RELN: variants seen among roughly 807,000 people sequenced by gnomAD.
The protein encoded by RELN is reelin.
A neutral mutation model predicts 427.6 loss-of-function variants in RELN; 108 were observed. That is an observed-to-expected ratio of 0.25 (90% CI 0.22 to 0.30). The LOEUF is 0.30. Ranked by LOEUF, RELN falls within the 10% of genes least tolerant of loss-of-function variation. RELN has a pLI of 1.00. For synonymous variants in RELN, 1,524 were observed against 1,513.4 expected (o/e 1.01, Z -0.16); for missense variants, 3,715 against 4,302.8 (o/e 0.86, Z 3.82).
chr7:103,786,679 C>T (rs1475451748), intron 3 of RELN, among the ~76,000 whole-genome samples: 2 of 152,238 alleles, frequency 1.3e-5, no homozygotes, highest in Admixed American at 6.5e-5. Context: ...GCATCCAATA[C>T]AGGAGCATCC....
chr7:103,660,568 A>G (rs567499469), intron 12 of RELN, among the ~76,000 whole-genome samples: 2 of 152,340 alleles, frequency 1.3e-5, no homozygotes, highest in African/African-American at 4.8e-5. Flanking sequence ...TAAATCGTCA[A>G]TGCTGAAGTT....
intron 2 of RELN, among the ~76,000 whole-genome samples, chr7:103,835,593 T>C (rs2116414813): frequency 6.6e-6 from 1 of 152,330 alleles, no homozygotes; most frequent in African/African-American, 2.4e-5. Flanking sequence ...AATTTTGCTG[T>C]GAACCTAAAG....
intron 41 of RELN, among the ~76,000 whole-genome samples, chr7:103,549,400 A>G (rs137921952): frequency 6.6e-6 from 1 of 152,212 alleles, no homozygotes; most frequent in Non-Finnish European, 1.5e-5. Context: ...ACTTTCATGA[A>G]CTAATTGCCC....
intron 2 of RELN, among the ~76,000 whole-genome samples, chr7:103,908,667 ATTCTT>A (rs969667173): frequency 6.6e-6 from 1 of 152,220 alleles, no homozygotes; most frequent in African/African-American, 2.4e-5. Flanking sequence ...TTAGTAAGCG[ATTCTT>A]TTCAAGTTAG....
intron 2 of RELN, among the ~76,000 whole-genome samples, chr7:103,850,185 A>G (rs2116460718): frequency 6.6e-6 from 1 of 152,318 alleles, no homozygotes; most frequent in African/African-American, 2.4e-5. Flanking sequence ...AAAAGACATT[A>G]CAATTTATAT....
intron 6 of RELN, among the ~76,000 whole-genome samples, chr7:103,730,658 T>C (rs748661858): frequency 4.6e-5 from 7 of 152,152 alleles, no homozygotes; most frequent in Admixed American, 1.3e-4. Context: ...AAAAGATTTA[T>C]AATTATCAGA....
chr7:103,688,142 A>G lies in RELN; in HGVS notation c.1144-5881T>C, dbSNP rs530711135. The stretch of plus-strand genomic sequence containing the variant: ...CCAAGCAAAGGGAATTTAGGTAGAC[A>G]GCATGCAATTAACCATGCTGGAATC... On this transcript the variant is annotated intron_variant, in intron 10 of 64. Coordinates refer to ENST00000428762, the MANE Select transcript of RELN (RefSeq NM_005045.4). Among the ~76,000 whole-genome samples, 3 of 152,262 alleles carry G rather than the reference A, an allele frequency of 2.0e-5. No individual in the cohort carries two copies. The East Asian group carries it at 5.8e-4, about 29-fold the overall frequency.
chr7:103,540,119 G>T, intron 44 of RELN, 78 bp downstream of exon 44: 1 of 1,532,332 alleles, frequency 6.5e-7, no homozygotes, highest in Non-Finnish European at 9.0e-7. Flanking sequence ...TGAGCAAGCA[G>T]GTTGAACTAA....
intron 3 of RELN, among the ~76,000 whole-genome samples, chr7:103,830,805 G>A (rs1793256073): frequency 6.6e-6 from 1 of 152,008 alleles, no homozygotes; most frequent in Admixed American, 6.6e-5. Context: ...CACAAAGGAA[G>A]CAGCTACTCT....
chr7:103,791,882 A>G (rs1792170653), intron 3 of RELN, among the ~76,000 whole-genome samples: 3 of 152,174 alleles, frequency 2.0e-5, no homozygotes, highest in Admixed American at 2.0e-4. Context: ...ACAACTCAAT[A>G]AAAAATAAGT....
chr7:103,661,305 T>C, intron 12 of RELN, 71 bp downstream of exon 12: 2 of 1,478,030 alleles, frequency 1.4e-6, no homozygotes, highest in Admixed American at 1.7e-5. Flanking sequence ...CAAACAATCT[T>C]ACTTCCTCAG....
chr7:103,676,418 A>G (rs1833525629), intron 11 of RELN, among the ~76,000 whole-genome samples: 1 of 152,224 alleles, frequency 6.6e-6, no homozygotes, highest in Non-Finnish European at 1.5e-5. Flanking sequence ...GTGGAGAAAT[A>G]GGAACACTTT....
intron 51 of RELN, among the ~76,000 whole-genome samples, chr7:103,508,510 A>G (rs2117054947): frequency 6.6e-6 from 1 of 152,374 alleles, no homozygotes; most frequent in Admixed American, 6.5e-5. Context: ...CAAAATAATA[A>G]GAGCTATTTA....
chr7:103,775,476 TC>T (rs1356552853), intron 4 of RELN, among the ~76,000 whole-genome samples: 2 of 152,192 alleles, frequency 1.3e-5, no homozygotes, highest in Admixed American at 6.5e-5. Flanking sequence ...AATGGTATTT[TC>T]TTAGGTATCT....
chr7:103,489,628 C>G, intron 60 of RELN, 114 bp downstream of exon 60: 2 of 1,223,028 alleles, frequency 1.6e-6, no homozygotes, highest in Non-Finnish European at 2.3e-6. Flanking sequence ...TCATGAATCT[C>G]AGATCCCTCA....
At chr7:103,745,288 G>C (rs1189993902) in intron 6 of RELN, among the ~76,000 whole-genome samples, 1 of 151,956 alleles carries the variant, frequency 6.6e-6, no homozygotes, top group East Asian at 1.9e-4. Context: ...AGCTATCTAT[G>C]ACAAACCCAC....
chr7:103,916,642 A>G (rs1795487706), intron 2 of RELN, among the ~76,000 whole-genome samples: 1 of 152,176 alleles, frequency 6.6e-6, no homozygotes, highest in African/African-American at 2.4e-5. Flanking sequence ...ATTTTATCAA[A>G]TATTGCTATC....
At chr7:103,599,106 C>T (rs1421801494) in intron 24 of RELN, among the ~76,000 whole-genome samples, 3 of 152,256 alleles carry the variant, frequency 2.0e-5, no homozygotes, top group South Asian at 2.1e-4. Flanking sequence ...TATAACAAAA[C>T]CTCCAAAACA....
intron 2 of RELN, among the ~76,000 whole-genome samples, chr7:103,867,103 T>C (rs764468547): frequency 1.7e-4 from 26 of 152,108 alleles, no homozygotes; most frequent in Non-Finnish European, 2.2e-4. Flanking sequence ...CATCACTGAA[T>C]AGATGTTACA....
Sources: allele counts gnomAD v4.1 joint callset (sites outside exome capture counted in the v4.1 genomes callset), GRCh38; gene constraint gnomAD v4.1.1; transcripts MANE v1.5; gene names NCBI Gene and HGNC (gene_info 2026-07-23, HGNC 2026-07-21).